The following MRE11 variants were observed in gnomAD, a reference collection of about 807,000 sequenced individuals.
MRE11 encodes the protein double-strand break repair protein MRE11.
A neutral mutation model predicts 91.7 loss-of-function variants in MRE11; 62 were observed. That is an observed-to-expected ratio of 0.68 (90% CI 0.55 to 0.84). The LOEUF is 0.84. MRE11 is among the 40% of genes least tolerant of loss of function. The pLI, the probability that MRE11 is intolerant of heterozygous loss-of-function variation, is 0.00. For missense variants in MRE11, 796 were observed against 852.9 expected (o/e 0.93, Z 0.83); for synonymous variants, 273 against 271.4 (o/e 1.01, Z -0.06).
In MRE11 at chr11:94,470,639, AT is replaced by A; in HGVS notation, c.848del (p.His283LeufsTer12). The part of the protein sequence containing the change: ...SLSPGEAVKK[H>X]VGLLRIKGRK... The stretch of plus-strand genomic sequence containing the variant: ...TCCCTTTAATACGCAGCAAACCAAC[AT>A]GTCTGAAGTGGAGAGAAATGAACAC... On this transcript the variant is annotated frameshift_variant and splice_region_variant, in exon 9 of 20. Transcript: ENST00000323929. LOFTEE classifies it high-confidence loss of function. The A allele has an allele frequency of 6.2e-7, 1 of 1,612,876 alleles. No homozygotes were observed. The highest frequency in any genetic ancestry group is 8.5e-7 in the Non-Finnish European group (1 of 1,179,120).
chr11:94,423,469 G>T (rs746642998), intron 19 of MRE11, among the ~76,000 whole-genome samples: 1 of 152,196 alleles, frequency 6.6e-6, no homozygotes, highest in Non-Finnish European at 1.5e-5. Flanking sequence ...GGTGGCCATA[G>T]GCGCCCATCC....
chr11:94,450,393 A>G (rs1436817668), intron 14 of MRE11, among the ~76,000 whole-genome samples: 1 of 152,206 alleles, frequency 6.6e-6, no homozygotes, highest in Non-Finnish European at 1.5e-5. Context: ...TAAATCACAT[A>G]ATTAATAAGA....
chr11:94,501,301 T>C, the MRE11 span, among the ~76,000 whole-genome samples: 31 of 152,294 alleles, frequency 2.0e-4, no homozygotes, highest in Non-Finnish European at 4.3e-4. Flanking sequence ...ATGGGCCTCA[T>C]GTAATTTTAT....
chr11:94,446,374 T>C (rs1395115801), intron 15 of MRE11, among the ~76,000 whole-genome samples: 1 of 152,032 alleles, frequency 6.6e-6, no homozygotes, highest in East Asian at 1.9e-4. Context: ...ACCATTGCAC[T>C]CCAGCCTGGG....
Position 94,479,726 on chromosome 11 carries a change from T to C in MRE11, c.350A>G (p.Asn117Ser), listed in dbSNP as rs137852760. The change falls in exon 5 of 20, where the codon AAC (asparagine) becomes AGC (serine). Residue 117 changes from asparagine (N) to serine (S), a missense_variant. Transcript: ENST00000323929. ...AATACTAAACACTGGAATTGAAATG[T>C]TGAGGTTGCCATCTTGATAGTTCAC... ...PWVNYQDGNL[N>S]ISIPVFSIHG... 17 of 1,612,986 alleles carry C rather than the reference T, an allele frequency of 1.1e-5. No homozygotes were observed. Among genetic ancestry groups the C allele is most frequent in the Non-Finnish European group, 1.4e-5 (17 of 1,179,798 alleles).
chr11:94,459,685 T>C (rs576383100), intron 12 of MRE11, 104 bp from the exon 13 acceptor site: 45 of 1,243,118 alleles, frequency 3.6e-5, no homozygotes, highest in Non-Finnish European at 4.5e-5. Context: ...AGAAAAAATA[T>C]AGTGAACAGC....
intron 19 of MRE11, among the ~76,000 whole-genome samples, chr11:94,429,109 C>CATTT (rs1945398196): frequency 1.3e-5 from 2 of 152,270 alleles, no homozygotes; most frequent in Admixed American, 6.5e-5. Context: ...CATCACTAAT[C>CATTT]ATCGGAGAAA....
At chr11:94,483,949 C>G (rs1252049064) in intron 4 of MRE11, 1 of 152,100 alleles carries the variant, frequency 6.6e-6, no homozygotes, top group East Asian at 1.9e-4. Flanking sequence ...CCAGTGAGAG[C>G]CTAGAAGCAA....
At chr11:94,459,859 C>T (rs1469221542) in intron 12 of MRE11, among the ~76,000 whole-genome samples, 1 of 152,008 alleles carries the variant, frequency 6.6e-6, no homozygotes, top group Admixed American at 6.6e-5. Flanking sequence ...GTGTCATAGG[C>T]AAAATAAGAG....
At chr11:94,496,833 G>C (rs764256646), upstream of MRE11, 2 of 1,613,960 alleles carry the variant, frequency 1.2e-6, no homozygotes, top group Admixed American at 3.3e-5. Flanking sequence ...CTTTGGGTAG[G>C]CAATTCTGAT....
At chr11:94,507,740 T>C in the MRE11 span, among the ~76,000 whole-genome samples, 3 of 152,202 alleles carry the variant, frequency 2.0e-5, no homozygotes, top group Non-Finnish European at 2.9e-5. Context: ...TGACTAATGA[T>C]GTGAAGCAAT....
intron 19 of MRE11, among the ~76,000 whole-genome samples, chr11:94,424,821 A>G (rs923164478): frequency 1.3e-4 from 20 of 149,474 alleles, no homozygotes; most frequent in South Asian, 6.3e-4. Context: ...AGAAGAATGG[A>G]AAAAAAAAAC....
chr11:94,479,532 AG>A, intron 5 of MRE11, 141 bp downstream of exon 5: 1 of 703,104 alleles, frequency 1.4e-6, no homozygotes, highest in Non-Finnish European at 2.5e-6. Context: ...GCAGTATAAA[AG>A]CTTGTATGAA....
chr11:94,438,818 C>CA (rs1403137272), intron 16 of MRE11, among the ~76,000 whole-genome samples: 1 of 152,158 alleles, frequency 6.6e-6, no homozygotes, highest in East Asian at 1.9e-4. Context: ...GCCTGTAAAA[C>CA]AGTGTTAATA....
chr11:94,492,876 A>C lies in MRE11; in HGVS notation c.-75T>G. ...CCTGGGTACTGTACTCAAATGTCAG[A>C]AAATGCACTCGATTCCAAATTCTAG... On this transcript the variant is annotated 5_prime_UTR_variant, in exon 2 of 20. Transcript: ENST00000323929. 3.7e-6 allele frequency: 5 copies of C among 1,350,202 alleles called. No homozygotes were observed. The South Asian group carries it at 3.7e-5, about 10-fold the overall frequency. The allele number at this position is 1,350,202 out of a possible 1,614,324, so 83.6% of individuals were successfully genotyped here. A position where few individuals can be genotyped will look rare whatever the true frequency, so the allele number is the denominator to read the frequency against.
intron 11 of MRE11, among the ~76,000 whole-genome samples, chr11:94,461,418 T>C (rs1412048908): frequency 7.2e-5 from 11 of 152,194 alleles, no homozygotes; most frequent in Admixed American, 7.2e-4. Flanking sequence ...CAATCATGGG[T>C]ACTGCTGGTG....
intron 7 of MRE11, chr11:94,473,427 A>G (rs1166389158): frequency 2.0e-5 from 3 of 152,142 alleles, no homozygotes; most frequent in Non-Finnish European, 2.9e-5. Context: ...AAGATTTTGC[A>G]TGACCAAGTC....
Position 94,447,378 on chromosome 11 carries a change from C to T in MRE11, c.1624G>A (p.Ala542Thr), listed in dbSNP as rs1238010343. 16 of 1,614,128 alleles carry T rather than the reference C, an allele frequency of 9.9e-6. No individual in the cohort carries two copies. The highest frequency in any genetic ancestry group is 1.3e-5 in the Non-Finnish European group (15 of 1,180,014). Residue 542 changes from alanine (A) to threonine (T), a missense_variant, in exon 15 of 20, where the codon GCT (alanine) becomes ACT (threonine). By Grantham distance (58) the Ala-to-Thr change is moderately conservative (BLOSUM62 0). Transcript: ENST00000323929. ...AAATCTATACTCATAAGGTCATCAG[C>T]ACTAAAGGCAGAAGCAGACTCCTCT... ...QSEESASAFS[A>T]DDLMSIDLAE...
chr11:94,474,788 C>T (rs139502376), intron 7 of MRE11, among the ~76,000 whole-genome samples: 1 of 152,224 alleles, frequency 6.6e-6, no homozygotes, highest in South Asian at 2.1e-4. Context: ...ATTCCCCTTA[C>T]CAATGCTGCT....
Sources: allele counts gnomAD v4.1 joint callset (sites outside exome capture counted in the v4.1 genomes callset), GRCh38; gene constraint gnomAD v4.1.1; transcripts MANE v1.5; gene names NCBI Gene and HGNC (gene_info 2026-07-23, HGNC 2026-07-21).